Variants in ALKBH8 observed in about 807,000 individuals in gnomAD.
ALKBH8 encodes tRNA (carboxymethyluridine(34)-5-O)-methyltransferase ALKBH8.
Under a neutral mutation model 59.8 loss-of-function variants are expected in ALKBH8, and 36 were observed. That is an observed-to-expected ratio of 0.60 (90% CI 0.46 to 0.79). The LOEUF (loss-of-function observed/expected upper bound fraction) is 0.79. Among genes scored for constraint, ALKBH8 ranks in the 30% least tolerant of loss-of-function variants. ALKBH8 has a pLI of 0.00. For missense variants in ALKBH8, 768 were observed against 801.0 expected (o/e 0.96, Z 0.50); for synonymous variants, 276 against 273.6 (o/e 1.01, Z -0.09).
At chr11:107,550,891 C>T (rs188429736) in intron 6 of ALKBH8, among the ~76,000 whole-genome samples, 3 of 152,242 alleles carry the variant, frequency 2.0e-5, no homozygotes, top group Admixed American at 2.0e-4. Flanking sequence ...ACCAGGAACC[C>T]AATCAACCAG....
chr11:107,541,416 T>C (rs1182668702), intron 7 of ALKBH8, among the ~76,000 whole-genome samples: 1 of 152,202 alleles, frequency 6.6e-6, no homozygotes, highest in Admixed American at 6.5e-5. Context: ...AATTCAGCCC[T>C]GGTACAAACA....
At chr11:107,542,393 T>TTTAGTGCATGAGGAAAAA (rs1265004294) in intron 7 of ALKBH8, among the ~76,000 whole-genome samples, 1 of 152,084 alleles carries the variant, frequency 6.6e-6, no homozygotes, top group Non-Finnish European at 1.5e-5. Flanking sequence ...AGATGAAATC[T>TTTAGTGCATGAGGAAAAA]TTAGTGCATG....
chr11:107,552,020 C>T (rs918087430), intron 5 of ALKBH8, 108 bp from the exon 6 acceptor site: 11 of 479,606 alleles, frequency 2.3e-5, no homozygotes, highest in African/African-American at 2.0e-4. Flanking sequence ...TTTAATTTAG[C>T]AGTCAGGTCC....
chr11:107,564,342 C>T (rs1277454722), intron 1 of ALKBH8, among the ~76,000 whole-genome samples: 1 of 152,076 alleles, frequency 6.6e-6, no homozygotes, highest in Admixed American at 6.5e-5. Context: ...GCAGTATAGA[C>T]AAATGTTCCT....
At chr11:107,512,499 G>A (rs1413995224) in intron 10 of ALKBH8, among the ~76,000 whole-genome samples, 1 of 152,036 alleles carries the variant, frequency 6.6e-6, no homozygotes. Context: ...TTTTTGTAGA[G>A]ATGGGGTTTC....
intron 1 of ALKBH8, among the ~76,000 whole-genome samples, chr11:107,564,579 G>A (rs934683988): frequency 6.6e-6 from 1 of 152,118 alleles, no homozygotes; most frequent in East Asian, 1.9e-4. Context: ...GGAATGAAAG[G>A]GAGCTTTCTT....
intron 4 of ALKBH8, among the ~76,000 whole-genome samples, chr11:107,553,591 T>G (rs1040245194): frequency 6.6e-6 from 1 of 152,036 alleles, no homozygotes; most frequent in South Asian, 2.1e-4. Flanking sequence ...GAGGAATGAA[T>G]AAAATAAGTG....
At chr11:107,505,575 C>T (rs751400428) in intron 11 of ALKBH8, among the ~76,000 whole-genome samples, 3 of 152,170 alleles carry the variant, frequency 2.0e-5, no homozygotes, top group Admixed American at 6.5e-5. Context: ...ACAAAGGAAT[C>T]GTGTCAACTA....
intron 11 of ALKBH8, among the ~76,000 whole-genome samples, chr11:107,509,828 A>G (rs983190110): frequency 6.6e-6 from 1 of 152,204 alleles, no homozygotes; most frequent in Non-Finnish European, 1.5e-5. Context: ...TATCCAACAT[A>G]TATTTGTGAT....
At chr11:107,518,514 G>A (rs1012277812) in intron 10 of ALKBH8, among the ~76,000 whole-genome samples, 2 of 152,238 alleles carry the variant, frequency 1.3e-5, no homozygotes, top group African/African-American at 4.8e-5. Context: ...TTATGCCCAT[G>A]CTGGAAGGTT....
At chr11:107,561,340 A>C (rs1379386464) in intron 1 of ALKBH8, among the ~76,000 whole-genome samples, 1 of 152,174 alleles carries the variant, frequency 6.6e-6, no homozygotes, top group Non-Finnish European at 1.5e-5. Context: ...TCATAATCAA[A>C]AAGTAAGCCA....
At chr11:107,543,669 T>C (rs1864136197) in intron 7 of ALKBH8, among the ~76,000 whole-genome samples, 1 of 152,056 alleles carries the variant, frequency 6.6e-6, no homozygotes, top group Non-Finnish European at 1.5e-5. Context: ...TTTTATTTAA[T>C]TTAATATTAC....
At chr11:107,565,436 G>A in intron 1 of ALKBH8, 165 bp downstream of exon 1, 1 of 886,390 alleles carries the variant, frequency 1.1e-6, no homozygotes, top group Non-Finnish European at 1.7e-6. Flanking sequence ...ACCCAACGCA[G>A]ACACCCTACT....
At chr11:107,524,476 C>A (rs893004143) in intron 9 of ALKBH8, among the ~76,000 whole-genome samples, 4 of 152,150 alleles carry the variant, frequency 2.6e-5, no homozygotes, top group African/African-American at 9.7e-5. Context: ...GCTTGTCTCT[C>A]CAACTACACT....
intron 7 of ALKBH8, among the ~76,000 whole-genome samples, chr11:107,538,547 C>T (rs538163231): frequency 4.6e-5 from 7 of 152,146 alleles, no homozygotes; most frequent in Admixed American, 2.6e-4. Flanking sequence ...AAGTGCCCAG[C>T]AAGCTTATAG....
chr11:107,565,406 C>A (rs1044049721), intron 1 of ALKBH8, 195 bp downstream of exon 1: 2 of 680,330 alleles, frequency 2.9e-6, no homozygotes, highest in Admixed American at 5.6e-5. Context: ...AACACATGCA[C>A]CCTAAACACT....
chr11:107,542,772 T>C (rs630805), intron 7 of ALKBH8, among the ~76,000 whole-genome samples: 114,532 of 151,980 alleles, frequency 0.75, 44,317 homozygotes, highest in South Asian at 0.85. Flanking sequence ...TAGCTGGGCA[T>C]GGTAGCTCGT....
At chr11:107,507,549 T>C (rs1862441836) in intron 11 of ALKBH8, among the ~76,000 whole-genome samples, 1 of 152,200 alleles carries the variant, frequency 6.6e-6, no homozygotes, top group Non-Finnish European at 1.5e-5. Context: ...TGAGCTCTTA[T>C]TATGTATAAG....
At position 107,505,234 on chromosome 11, in the gene ALKBH8, A is replaced by G. The variant is rs1862333800; in HGVS notation, c.1438-19T>C. ...TACGCTCCTAATGAAAAAAAACAAAACACATGATCAACCTGGAAGAGACAG... is the reference window on the plus strand; with the variant it reads ...TACGCTCCTAATGAAAAAAAACAAAGCACATGATCAACCTGGAAGAGACAG... On this transcript the variant is annotated intron_variant, in intron 11 of 11. Coordinates refer to ENST00000428149, the MANE Select transcript of ALKBH8 (RefSeq NM_138775.3). The G allele has an allele frequency of 6.7e-7, 1 of 1,501,406 alleles. No homozygotes were observed. Among genetic ancestry groups the G allele is most frequent in the Middle Eastern group, 1.8e-4 (1 of 5,714 alleles). The allele number at this position is 1,501,406 out of a possible 1,614,324, so 93.0% of individuals were successfully genotyped here.
Sources: allele counts gnomAD v4.1 joint callset (sites outside exome capture counted in the v4.1 genomes callset), GRCh38; gene constraint gnomAD v4.1.1; transcripts MANE v1.5; gene names NCBI Gene and HGNC (gene_info 2026-07-23, HGNC 2026-07-21).